CTTNBP2: variants seen among roughly 807,000 people sequenced by gnomAD.
CTTNBP2 encodes cortactin binding protein 2.
In CTTNBP2, 108 loss-of-function variants were observed where a neutral mutation model predicts 156.9. The ratio of observed to expected loss-of-function variants is 0.69; its 90% CI spans 0.59 to 0.81. CTTNBP2 has a LOEUF of 0.81. Among genes scored for constraint, CTTNBP2 ranks in the 30% least tolerant of loss-of-function variants. The probability of loss-of-function intolerance (pLI) is 0.00; values close to 1 mark genes in which losing one functional copy is unlikely to be tolerated. For missense variants in CTTNBP2, 1,924 were observed against 2,035.4 expected (o/e 0.95, Z 1.05); for synonymous variants, 767 against 751.8 (o/e 1.02, Z -0.33).
At chr7:117,733,871 A>G (rs35651711) in intron 16 of CTTNBP2, among the ~76,000 whole-genome samples, 2,636 of 152,308 alleles carry the variant, frequency 0.017, 92 homozygotes, top group African/African-American at 0.061. Flanking sequence ...GAGAGCTTCA[A>G]TCTTGGAAAA....
At chr7:117,720,991 G>T in intron 20 of CTTNBP2, 76 bp downstream of exon 20, 2 of 944,638 alleles carry the variant, frequency 2.1e-6, no homozygotes, top group South Asian at 1.3e-5. Flanking sequence ...TGAGAACATG[G>T]AACATTTAAA....
At chr7:117,777,353 T>C (rs1208240753) in intron 8 of CTTNBP2, among the ~76,000 whole-genome samples, 158 bp downstream of exon 8, 1 of 152,248 alleles carries the variant, frequency 6.6e-6, no homozygotes, top group Non-Finnish European at 1.5e-5. Context: ...AAGTAACTAC[T>C]ACATAGGAAT....
intron 14 of CTTNBP2, among the ~76,000 whole-genome samples, chr7:117,742,447 T>A (rs186472828): frequency 2.9e-4 from 44 of 152,198 alleles, no homozygotes; most frequent in African/African-American, 1.0e-3. Flanking sequence ...TAGAAGGCCT[T>A]GAACAGCATC....
intron 4 of CTTNBP2, 86 bp downstream of exon 4, chr7:117,791,041 AG>A (rs1339817272): frequency 8.9e-7 from 1 of 1,126,158 alleles, no homozygotes; most frequent in Non-Finnish European, 1.3e-6. Flanking sequence ...TTAAAAAAAA[AG>A]TTTCAAGGCA....
chr7:117,779,746 A>C (rs1798303576), intron 7 of CTTNBP2, among the ~76,000 whole-genome samples: 1 of 150,970 alleles, frequency 6.6e-6, no homozygotes, highest in African/African-American at 2.4e-5. Context: ...ATATATATAT[A>C]AAATACATAT....
chr7:117,831,272 T>C (rs1801596723), intron 2 of CTTNBP2, among the ~76,000 whole-genome samples: 1 of 152,150 alleles, frequency 6.6e-6, no homozygotes, highest in African/African-American at 2.4e-5. Context: ...GTGGGCTTCA[T>C]CATGACTACA....
intron 3 of CTTNBP2, among the ~76,000 whole-genome samples, chr7:117,806,475 T>C (rs1459637777): frequency 6.6e-6 from 1 of 152,210 alleles, no homozygotes; most frequent in Non-Finnish European, 1.5e-5. Context: ...CTTTTAAGGC[T>C]CGTTGCATCC....
chr7:117,843,221 C>T (rs913146831), intron 2 of CTTNBP2, among the ~76,000 whole-genome samples: 1 of 152,042 alleles, frequency 6.6e-6, no homozygotes, highest in Non-Finnish European at 1.5e-5. Context: ...AATACTACAC[C>T]ATTTTATATC....
At position 117,817,352 on chromosome 7, in the gene CTTNBP2, A is replaced by T. The variant is rs1429767946; in HGVS notation, c.190-6363T>A. ...CCATCTCAAAAAAAAAAAAAAAAAAAAAAAAAAAAATATATATATATATAT... is the reference window on the plus strand; with the variant it reads ...CCATCTCAAAAAAAAAAAAAAAAAATAAAAAAAAAATATATATATATATAT... On this transcript the variant is annotated intron_variant, in intron 2 of 22. Transcript: ENST00000160373. 6.5e-3 allele frequency among the ~76,000 whole-genome samples: 583 copies of T among 89,780 alleles called. 43 individuals carry two copies. The highest frequency in any genetic ancestry group is 0.026 in the African/African-American group (562 of 21,294). 58.9% of individuals were successfully genotyped at this position (89,780 alleles called of 152,430 possible).
At chr7:117,730,697 G>C (rs2116460106) in intron 16 of CTTNBP2, among the ~76,000 whole-genome samples, 1 of 152,230 alleles carries the variant, frequency 6.6e-6, no homozygotes, top group East Asian at 1.9e-4. Flanking sequence ...ATTGAGGAAA[G>C]CCTAAGGCCA....
intron 3 of CTTNBP2, among the ~76,000 whole-genome samples, chr7:117,798,186 C>G (rs1274230857): frequency 6.6e-6 from 1 of 152,024 alleles, no homozygotes; most frequent in Non-Finnish European, 1.5e-5. Flanking sequence ...ATAACAATAT[C>G]TCACTTAAAA....
rs527501194 is a variant in CTTNBP2, at chr7:117,819,949, C to T, written c.190-8960G>A. Among the ~76,000 whole-genome samples, 18 of 152,274 alleles carry T rather than the reference C, an allele frequency of 1.2e-4. No homozygotes were observed. The South Asian group carries it at 3.5e-3, about 30-fold the overall frequency. ...CACCAATTTTCTCTCAAAGTGTAGA[C>T]CATATTAGCAGAATTCATGAAAGGC... On this transcript the variant is annotated intron_variant, in intron 2 of 22. Transcript: ENST00000160373.
At chr7:117,868,613 A>G (rs1285173460) in intron 1 of CTTNBP2, among the ~76,000 whole-genome samples, 1 of 152,226 alleles carries the variant, frequency 6.6e-6, no homozygotes, top group Non-Finnish European at 1.5e-5. Context: ...AAATCTTTCA[A>G]TATCGATGTC....
At position 117,791,685 on chromosome 7, in the gene CTTNBP2, G is replaced by A; in HGVS notation, c.1511C>T (p.Ala504Val). ...CACTCCAGGCCTTGAGGGAGCACCT[G>A]CTTGAGGGCTTGTAAATCTTGACAG... is the stretch of plus-strand genomic sequence containing the variant. ...QALSRFTSPQ[A>V]GAPSRPGVPP... Residue 504 changes from alanine to valine, a missense_variant, in exon 4 of 23, where the codon GCA becomes GTA. Physicochemically the swap from Ala to Val is moderately conservative, Grantham distance 64. Transcript: ENST00000160373. 6.2e-7 allele frequency: 1 copy of A among 1,614,204 alleles called. No homozygotes were observed. Among genetic ancestry groups the A allele is most frequent in the Non-Finnish European group, 8.5e-7 (1 of 1,180,042 alleles).
intron 19 of CTTNBP2, among the ~76,000 whole-genome samples, 168 bp from the exon 20 acceptor site, chr7:117,721,298 C>T (rs937258903): frequency 2.0e-5 from 3 of 152,196 alleles, no homozygotes; most frequent in African/African-American, 7.2e-5. Context: ...GGCATAGCCT[C>T]CTGCAGAGGC....
At chr7:117,850,929 T>G (rs924395174) in intron 2 of CTTNBP2, among the ~76,000 whole-genome samples, 4 of 152,232 alleles carry the variant, frequency 2.6e-5, no homozygotes, top group African/African-American at 7.2e-5. Context: ...AAATATTTAC[T>G]AGGTGAACGT....
In CTTNBP2 at chr7:117,794,796, A is replaced by C. The variant is rs151222655; in HGVS notation, c.415-2015T>G. 5.9e-3 allele frequency among the ~76,000 whole-genome samples: 903 copies of C among 152,238 alleles called. 2 individuals carry two copies. Among genetic ancestry groups the C allele is most frequent in the Non-Finnish European group, 8.3e-3 (565 of 68,014 alleles). ...CATATATACTTTATTCTACTGGATA[A>C]AATTTTGGGAGTAATTCATAAGTAG... On this transcript the variant is annotated intron_variant, in intron 3 of 22. Transcript: ENST00000160373.
chr7:117,760,634 A>T lies in CTTNBP2; in HGVS notation c.2973T>A (p.Cys991Ter). 1.9e-6 allele frequency: 3 copies of T among 1,614,084 alleles called. No homozygotes were observed. Among genetic ancestry groups the T allele is most frequent in the Non-Finnish European group, 2.5e-6 (3 of 1,179,932 alleles). ...TATTTAAAGCACATATTGTGTTTTC[A>T]CATTCCAAGTCATCAGAACCATAGT... Reference protein sequence around the residue: ...PSNYGSDDLECENTICALNIR... With the variant: ...PSNYGSDDLE The change falls in exon 10 of 23, where the codon TGT becomes TGA. Residue 991 changes from cysteine (C) to a stop codon, truncating the protein, a stop_gained. Coordinates refer to ENST00000160373, the MANE Select transcript of CTTNBP2 (RefSeq NM_033427.3). LOFTEE classifies it high-confidence loss of function.
chr7:117,815,489 G>T (rs1800523980), intron 2 of CTTNBP2, among the ~76,000 whole-genome samples: 1 of 152,122 alleles, frequency 6.6e-6, no homozygotes, highest in Non-Finnish European at 1.5e-5. Flanking sequence ...ACCCCCAGTG[G>T]ATGAGTTTTC....
Sources: allele counts gnomAD v4.1 joint callset (sites outside exome capture counted in the v4.1 genomes callset), GRCh38; gene constraint gnomAD v4.1.1; transcripts MANE v1.5; gene names NCBI Gene and HGNC (gene_info 2026-07-23, HGNC 2026-07-21).